Variants in EXT1 observed in about 807,000 individuals in gnomAD.
EXT1 encodes the protein exostosin-1.
In EXT1, 20 loss-of-function variants were observed where a neutral mutation model predicts 82.5. The observed-to-expected ratio is 0.24, with a 90% confidence interval of 0.17 to 0.35. EXT1 has a LOEUF of 0.35. EXT1 is among the 10% of genes least tolerant of loss of function. EXT1 has a pLI of 1.00. For synonymous variants in EXT1, 348 were observed against 350.8 expected (o/e 0.99, Z 0.09); for missense variants, 757 against 936.5 (o/e 0.81, Z 2.50).
chr8:117,813,540 A>G (rs1343320878), intron 7 of EXT1, among the ~76,000 whole-genome samples: 1 of 152,214 alleles, frequency 6.6e-6, no homozygotes, highest in African/African-American at 2.4e-5. Context: ...CCACGGGGAG[A>G]GCAGATCACT....
rs573049064 is a variant in EXT1 at position 117,875,291 on chromosome 8, C to T, written c.963-38090G>A. ...AAAAAATTAGCCAGGCATGGTGGTG[C>T]GCACTTGTAATCCCAGATACTCGGG... On this transcript the variant is annotated intron_variant, in intron 1 of 10. Coordinates refer to ENST00000378204, the MANE Select transcript of EXT1 (RefSeq NM_000127.3). Among the ~76,000 whole-genome samples the T allele has an allele frequency of 6.6e-5, 10 of 152,166 alleles. No homozygotes were observed. In the East Asian group the frequency reaches 7.7e-4, roughly 12 times the overall value.
intron 1 of EXT1, among the ~76,000 whole-genome samples, chr8:118,051,339 A>G (rs912753302): frequency 1.3e-5 from 2 of 152,162 alleles, no homozygotes; most frequent in South Asian, 2.1e-4. Flanking sequence ...TCCTATCTCA[A>G]AAAAACAAAA....
chr8:118,024,694 A>G (rs1031675152), intron 1 of EXT1, among the ~76,000 whole-genome samples: 12 of 152,234 alleles, frequency 7.9e-5, no homozygotes, highest in African/African-American at 2.9e-4. Context: ...GACAGCTAAT[A>G]TAAGAAACAA....
chr8:117,999,020 A>T (rs1273258578), intron 1 of EXT1, among the ~76,000 whole-genome samples: 1 of 152,194 alleles, frequency 6.6e-6, no homozygotes, highest in Non-Finnish European at 1.5e-5. Flanking sequence ...ATGTTAATTT[A>T]CTTTCCTTCT....
intron 1 of EXT1, among the ~76,000 whole-genome samples, chr8:118,088,143 C>A (rs1343747093): frequency 6.6e-6 from 1 of 152,104 alleles, no homozygotes; most frequent in African/African-American, 2.4e-5. Context: ...TACTTGGGAA[C>A]TCAAATCAGC....
At chr8:117,834,230 A>C (rs1280531528) in intron 3 of EXT1, among the ~76,000 whole-genome samples, 3 of 152,164 alleles carry the variant, frequency 2.0e-5, no homozygotes, top group Non-Finnish European at 2.9e-5. Context: ...CAGTTAGTTC[A>C]TTTGTTATTT....
intron 1 of EXT1, among the ~76,000 whole-genome samples, chr8:118,036,824 T>G (rs2129891817): frequency 6.6e-6 from 1 of 152,292 alleles, no homozygotes; most frequent in Admixed American, 6.5e-5. Context: ...ATTGTTCTTT[T>G]GAGCCTCTAT....
chr8:118,066,663 G>GC (rs529757878), intron 1 of EXT1, among the ~76,000 whole-genome samples: 46 of 152,226 alleles, frequency 3.0e-4, no homozygotes, highest in African/African-American at 1.1e-3. Flanking sequence ...GCCAGGCCCA[G>GC]CTTGCTTTAT....
chr8:117,939,416 A>G (rs908690228), intron 1 of EXT1, among the ~76,000 whole-genome samples: 3 of 151,954 alleles, frequency 2.0e-5, no homozygotes, highest in African/African-American at 7.3e-5. Context: ...CCAAAAATAC[A>G]AAATTAGCAG....
intron 1 of EXT1, among the ~76,000 whole-genome samples, chr8:117,917,001 G>C (rs1813765801): frequency 6.6e-6 from 1 of 152,080 alleles, no homozygotes; most frequent in Non-Finnish European, 1.5e-5. Context: ...AAACATATAG[G>C]TAATTGAAGA....
At chr8:117,850,433 C>T (rs1812433676) in intron 1 of EXT1, among the ~76,000 whole-genome samples, 1 of 152,176 alleles carries the variant, frequency 6.6e-6, no homozygotes, top group African/African-American at 2.4e-5. Context: ...GGCCAGTCGA[C>T]CATATCCCTC....
At chr8:117,897,257 C>A (rs1160293660) in intron 1 of EXT1, among the ~76,000 whole-genome samples, 1 of 152,202 alleles carries the variant, frequency 6.6e-6, no homozygotes, top group Non-Finnish European at 1.5e-5. Context: ...GGGCACAGAG[C>A]GTGCACATTG....
chr8:118,046,279 T>A (rs1466442608), intron 1 of EXT1, among the ~76,000 whole-genome samples: 1 of 152,168 alleles, frequency 6.6e-6, no homozygotes, highest in East Asian at 1.9e-4. Context: ...TAAGGCTTAG[T>A]AACTTACTAT....
chr8:117,803,203 C>CT (rs1224219919), intron 10 of EXT1, among the ~76,000 whole-genome samples: 63 of 150,786 alleles, frequency 4.2e-4, no homozygotes, highest in South Asian at 8.4e-4. Context: ...TTTTCTTTTT[C>CT]TTTTTTTTTG....
At chr8:117,813,546 T>C (rs540405564) in intron 7 of EXT1, among the ~76,000 whole-genome samples, 2 of 152,282 alleles carry the variant, frequency 1.3e-5, no homozygotes, top group South Asian at 4.1e-4. Flanking sequence ...GGAGAGCAGA[T>C]CACTGTAGAA....
At chr8:117,955,712 C>T (rs578017877) in intron 1 of EXT1, among the ~76,000 whole-genome samples, 2 of 152,140 alleles carry the variant, frequency 1.3e-5, no homozygotes, top group South Asian at 2.1e-4. Context: ...GGAGCCACCA[C>T]GCCCAGCTAA....
At chr8:117,890,544 A>G (rs1379869407) in intron 1 of EXT1, among the ~76,000 whole-genome samples, 2 of 152,246 alleles carry the variant, frequency 1.3e-5, no homozygotes, top group African/African-American at 4.8e-5. Flanking sequence ...AGGCAGGGCA[A>G]TGTTGACTTT....
intron 1 of EXT1, among the ~76,000 whole-genome samples, chr8:117,852,594 G>A (rs1438387096): frequency 6.6e-6 from 1 of 152,118 alleles, no homozygotes; most frequent in Non-Finnish European, 1.5e-5. Context: ...AGGCTTTGGT[G>A]CCAAGACCCA....
intron 9 of EXT1, 92 bp downstream of exon 9, chr8:117,807,125 T>A (rs1823249314): frequency 6.7e-7 from 1 of 1,500,114 alleles, no homozygotes; most frequent in Non-Finnish European, 9.3e-7. Flanking sequence ...TCCTCAATGC[T>A]GTTAACAAGA....
Sources: gnomAD v4.1 joint callset for allele counts (sites outside exome capture counted in the v4.1 genomes callset) on GRCh38, gnomAD v4.1.1 for gene constraint, MANE v1.5 for transcripts, NCBI Gene and HGNC (gene_info 2026-07-23, HGNC 2026-07-21) for gene names.